Variants in MARCHF3 observed in about 807,000 individuals in gnomAD.
The protein encoded by MARCHF3 is membrane associated ring-CH-type finger 3, also known as E3 ubiquitin-protein ligase MARCHF3.
A neutral mutation model predicts 24.2 loss-of-function variants in MARCHF3; 13 were observed. The observed-to-expected ratio is 0.54, with a 90% CI of 0.35 to 0.85. The LOEUF is 0.85. MARCHF3 is among the 40% of genes least tolerant of loss of function. The pLI is 0.01. For synonymous variants in MARCHF3, 144 were observed against 137.3 expected (o/e 1.05, Z -0.34); for missense variants, 276 against 325.0 (o/e 0.85, Z 1.16).
rs114434471 is a variant in MARCHF3 at position 126,973,573 on chromosome 5, G to C, written c.-56-55346C>G. Among the ~76,000 whole-genome samples the C allele has an allele frequency of 9.8e-3, 1,498 of 152,256 alleles. 28 individuals carry two copies. Among genetic ancestry groups the C allele is most frequent in the African/African-American group, 0.035 (1,442 of 41,548 alleles). On this transcript the variant is annotated intron_variant, in intron 1 of 4. Coordinates refer to ENST00000308660, the MANE Select transcript of MARCHF3 (RefSeq NM_178450.5). ...AGCAGACAATTGCAGAAGTGCAGAG[G>C]GTGGCAGAGAGAATTTGGGGGCAAT...
At chr5:126,950,984 C>T (rs757128295) in intron 1 of MARCHF3, among the ~76,000 whole-genome samples, 7 of 152,264 alleles carry the variant, frequency 4.6e-5, no homozygotes, top group Non-Finnish European at 7.4e-5. Flanking sequence ...ACTTATCCAT[C>T]TCCCTCCAGT....
chr5:127,030,012 G>C, intron 1 of MARCHF3: 1 of 152,220 alleles, frequency 6.6e-6, no homozygotes, highest in East Asian at 1.9e-4. Flanking sequence ...AATTTTTCAG[G>C]AACCGCGGTC....
In MARCHF3 at chr5:126,870,575, G is replaced by T; in HGVS notation, c.*58C>A. ...GGGGGTCGCTCAGTGCATGACCCCAGTGCAGACACTTCCAAACCCCAAACA... is the reference window on the plus strand; with the variant it reads ...GGGGGTCGCTCAGTGCATGACCCCATTGCAGACACTTCCAAACCCCAAACA... On this transcript the variant is annotated 3_prime_UTR_variant, in exon 5 of 5. Coordinates refer to ENST00000308660, the MANE Select transcript of MARCHF3 (RefSeq NM_178450.5). 2 of 1,563,596 alleles carry T rather than the reference G, an allele frequency of 1.3e-6. No individual in the cohort carries two copies. The highest frequency in any genetic ancestry group is 2.2e-5 in the East Asian group (1 of 44,642).
chr5:126,903,974 C>G (rs1211753819), intron 3 of MARCHF3, among the ~76,000 whole-genome samples: 1 of 130,354 alleles, frequency 7.7e-6, no homozygotes, highest in Admixed American at 7.9e-5. Context: ...TCCCCCCACC[C>G]CACAACAGTC....
At chr5:126,973,866 T>C (rs945950997) in intron 1 of MARCHF3, among the ~76,000 whole-genome samples, 3 of 150,286 alleles carry the variant, frequency 2.0e-5, no homozygotes, top group Admixed American at 1.3e-4. Flanking sequence ...ATCCAGAATA[T>C]TAAGCAAAAT....
intron 1 of MARCHF3, among the ~76,000 whole-genome samples, chr5:127,008,461 C>CA (rs1332221948): frequency 6.6e-6 from 1 of 152,144 alleles, no homozygotes; most frequent in African/African-American, 2.4e-5. Flanking sequence ...ATTGGGAGAA[C>CA]TGGGTAACGT....
At chr5:126,892,265 T>C (rs1254985204) in intron 3 of MARCHF3, among the ~76,000 whole-genome samples, 4 of 148,222 alleles carry the variant, frequency 2.7e-5, no homozygotes, top group African/African-American at 5.0e-5. Context: ...CTTTTCCTAA[T>C]TGAATACCCT....
At chr5:126,940,315 GAGC>G (rs1749786045) in intron 1 of MARCHF3, among the ~76,000 whole-genome samples, 1 of 152,156 alleles carries the variant, frequency 6.6e-6, no homozygotes, top group Non-Finnish European at 1.5e-5. Flanking sequence ...TCTTATCCAA[GAGC>G]AGATCATGCT....
chr5:126,892,090 G>T (rs1291428950), intron 3 of MARCHF3, among the ~76,000 whole-genome samples: 1 of 151,826 alleles, frequency 6.6e-6, no homozygotes, highest in Admixed American at 6.6e-5. Context: ...CTCTCTGTTT[G>T]TCTGTTGCTG....
intron 1 of MARCHF3, among the ~76,000 whole-genome samples, chr5:126,948,587 G>A (rs990882188): frequency 6.6e-6 from 1 of 152,194 alleles, no homozygotes; most frequent in African/African-American, 2.4e-5. Context: ...TCAGAGCACT[G>A]GGGTCTGTGA....
At chr5:126,884,393 A>G (rs549755816) in intron 3 of MARCHF3, among the ~76,000 whole-genome samples, 11 of 152,188 alleles carry the variant, frequency 7.2e-5, no homozygotes, top group Non-Finnish European at 1.2e-4. Flanking sequence ...CAGACTTGTA[A>G]CAAAGTATCT....
chr5:126,881,823 A>G (rs1753351944), intron 3 of MARCHF3, among the ~76,000 whole-genome samples: 1 of 152,216 alleles, frequency 6.6e-6, no homozygotes, highest in African/African-American at 2.4e-5. Context: ...ATATATGTAT[A>G]TATATCACTT....
intron 3 of MARCHF3, among the ~76,000 whole-genome samples, chr5:126,895,595 C>A (rs1753856052): frequency 6.6e-6 from 1 of 152,080 alleles, no homozygotes; most frequent in Non-Finnish European, 1.5e-5. Context: ...TGTGCCCCTG[C>A]TGGGGGGTGC....
In MARCHF3 at chr5:126,918,375, T is replaced by G. The variant is rs1748980794; in HGVS notation, c.-56-148A>C. 6.8e-6 allele frequency: 4 copies of G among 585,598 alleles called. No individual in the cohort carries two copies. The Admixed American group carries it at 1.3e-4, about 19-fold the overall frequency. 36.3% of individuals were successfully genotyped at this position (585,598 alleles called of 1,614,324 possible). ...GGCACATTATCTTGTTACTGTTTAA[T>G]ACAAGTGCACACACACACACACACA... On this transcript the variant is annotated intron_variant, in intron 1 of 4. Transcript: ENST00000308660.
At chr5:126,898,331 T>C (rs75570555) in intron 3 of MARCHF3, among the ~76,000 whole-genome samples, 3,102 of 152,220 alleles carry the variant, frequency 0.02, 80 homozygotes, top group South Asian at 0.12. Flanking sequence ...GCATAAATTC[T>C]ATTATGTAGG....
chr5:126,944,770 A>G (rs1354747133), intron 1 of MARCHF3, among the ~76,000 whole-genome samples: 2 of 152,216 alleles, frequency 1.3e-5, no homozygotes, highest in African/African-American at 4.8e-5. Context: ...TAGGACATCC[A>G]GTTTCTTAAT....
intron 3 of MARCHF3, among the ~76,000 whole-genome samples, chr5:126,902,201 T>G (rs1754128404): frequency 6.6e-6 from 1 of 152,122 alleles, no homozygotes; most frequent in Admixed American, 6.6e-5. Context: ...AAGACCACGG[T>G]TTTCTCCCTG....
At chr5:126,998,758 C>T (rs1025946663) in intron 1 of MARCHF3, among the ~76,000 whole-genome samples, 19 of 152,150 alleles carry the variant, frequency 1.2e-4, no homozygotes, top group Admixed American at 1.3e-4. Flanking sequence ...CTCACTCGTT[C>T]CCCTGTCCCA....
rs1174696301 is a variant in MARCHF3 at position 126,892,573 on chromosome 5, T to C, written c.394-14179A>G. ...ATGTGGTTTTTGTCTTTGGCTCTGT[T>C]TATATGCTGGATTACATTTATTGAT... On this transcript the variant is annotated intron_variant, in intron 3 of 4. Transcript: ENST00000308660. 4.2e-3 allele frequency among the ~76,000 whole-genome samples: 609 copies of C among 146,032 alleles called. 9 individuals are homozygous for C. Among genetic ancestry groups the C allele is most frequent in the Middle Eastern group, 0.033 (9 of 272 alleles).
Sources: allele counts gnomAD v4.1 joint callset (sites outside exome capture counted in the v4.1 genomes callset), GRCh38; gene constraint gnomAD v4.1.1; transcripts MANE v1.5; gene names NCBI Gene and HGNC (gene_info 2026-07-23, HGNC 2026-07-21).